Variants in PRKCB observed in about 807,000 individuals in gnomAD.
PRKCB encodes protein kinase C beta type.
In PRKCB, 13 loss-of-function variants were observed where a neutral mutation model predicts 81.5. The ratio of observed to expected loss-of-function variants is 0.16; its 90% CI spans 0.10 to 0.25. The LOEUF is 0.25. Among genes scored for constraint, PRKCB ranks in the 10% least tolerant of loss-of-function variants. The pLI, the probability that PRKCB is intolerant of heterozygous loss-of-function variation, is 1.00. For synonymous variants in PRKCB, 335 were observed against 321.4 expected (o/e 1.04, Z -0.45); for missense variants, 509 against 875.7 (o/e 0.58, Z 5.29).
chr16:24,185,125 G>A lies in PRKCB; in HGVS notation c.1548G>A (p.Gln516=), dbSNP rs376039132. Residue 516 remains glutamine (Q), a synonymous_variant, in exon 14 of 17, where the codon CAG becomes CAA. Transcript: ENST00000643927. ...DYIAPEIIAY[Q]PYGKSVDWWA... is the part of the protein sequence containing the mutation. ...CTCTTTTCTAGATAATTGCTTATCA[G>A]CCCTATGGGAAGTCCGTGGATTGGT... 58 of 1,613,974 alleles carry A rather than the reference G, an allele frequency of 3.6e-5. No homozygotes were observed. Among genetic ancestry groups the A allele is most frequent in the Middle Eastern group, 1.6e-4 (1 of 6,084 alleles).
rs905127777 is a variant in PRKCB, at chr16:24,218,142, C to T, written c.*3326C>T. 18 of 985,106 alleles carry T rather than the reference C, an allele frequency of 1.8e-5. No individual in the cohort carries two copies. Among genetic ancestry groups the T allele is most frequent in the African/African-American group, 3.5e-5 (2 of 57,162 alleles). The allele number at this position is 985,106 out of a possible 1,614,324, so 61.0% of individuals were successfully genotyped here. A position where few individuals can be genotyped will look rare whatever the true frequency, so the allele number is the denominator to read the frequency against. ...GTTTATTGTTTCTCTCCAAGAAATT[C>T]TCCAAGAATATTGTTTCTTGGAGAG... On this transcript the variant is annotated 3_prime_UTR_variant, in exon 17 of 17. Coordinates refer to ENST00000643927, the MANE Select transcript of PRKCB (RefSeq NM_002738.7).
intron 9 of PRKCB, among the ~76,000 whole-genome samples, chr16:24,150,998 G>A (rs960811993): frequency 1.3e-5 from 2 of 152,210 alleles, no homozygotes; most frequent in African/African-American, 4.8e-5. Context: ...AAATGCAATA[G>A]TATCTCCTAC....
chr16:24,133,956 C>G (rs112798943), intron 9 of PRKCB, among the ~76,000 whole-genome samples: 1 of 150,044 alleles, frequency 6.7e-6, no homozygotes, highest in Admixed American at 6.7e-5. Flanking sequence ...AGTGCAGTGA[C>G]GTGACCATGG....
At chr16:24,119,114 G>A (rs947805596) in intron 8 of PRKCB, among the ~76,000 whole-genome samples, 3 of 130,434 alleles carry the variant, frequency 2.3e-5, no homozygotes, top group Admixed American at 7.5e-5. Flanking sequence ...CAGACCAACA[G>A]GGTTATCAGA....
chr16:24,174,155 A>G (rs759432269), intron 11 of PRKCB: 1 of 181,484 alleles, frequency 5.5e-6, no homozygotes, highest in Non-Finnish European at 1.2e-5. Flanking sequence ...GATCACAGGC[A>G]TGTGCCACCA....
chr16:23,871,970 T>C (rs1322512409), intron 2 of PRKCB, among the ~76,000 whole-genome samples: 1 of 152,102 alleles, frequency 6.6e-6, no homozygotes, highest in Non-Finnish European at 1.5e-5. Context: ...GGTCCTTGCC[T>C]GTCTTGTTCT....
chr16:24,000,169 A>G (rs1423173584), intron 3 of PRKCB, among the ~76,000 whole-genome samples: 1 of 152,244 alleles, frequency 6.6e-6, no homozygotes, highest in Non-Finnish European at 1.5e-5. Context: ...GGAAGTATCT[A>G]TGGTTAATCT....
At chr16:23,878,847 C>T (rs1040391566) in intron 2 of PRKCB, among the ~76,000 whole-genome samples, 2 of 152,054 alleles carry the variant, frequency 1.3e-5, no homozygotes, top group Non-Finnish European at 2.9e-5. Context: ...GAGGCTTTGT[C>T]ATTCTGGGTG....
intron 5 of PRKCB, among the ~76,000 whole-genome samples, chr16:24,088,919 G>T (rs1194703530): frequency 6.6e-6 from 1 of 152,124 alleles, no homozygotes; most frequent in Non-Finnish European, 1.5e-5. Flanking sequence ...GGCCTTGCCA[G>T]GGAGAAGAAA....
At chr16:23,936,653 G>A (rs971068329) in intron 2 of PRKCB, among the ~76,000 whole-genome samples, 3 of 140,920 alleles carry the variant, frequency 2.1e-5, no homozygotes, top group South Asian at 2.2e-4. Flanking sequence ...GGCTGGTCTC[G>A]AACTCAAGCG....
In PRKCB at chr16:23,977,702, G is replaced by A. The variant is rs140336367; in HGVS notation, c.206-10806G>A. Among the ~76,000 whole-genome samples, 551 of 152,254 alleles carry A rather than the reference G, an allele frequency of 3.6e-3. 4 individuals are homozygous for A. Among genetic ancestry groups the A allele is most frequent in the African/African-American group, 0.013 (523 of 41,522 alleles). On this transcript the variant is annotated intron_variant, in intron 2 of 16. Transcript: ENST00000643927. ...AGTGGTGATTCTCAACTGTATACTCGTTTGTAATGTTGGAATTTTGAAGCC... is the reference window on the plus strand; with the variant it reads ...AGTGGTGATTCTCAACTGTATACTCATTTGTAATGTTGGAATTTTGAAGCC...
chr16:24,032,976 A>G (rs771873734), intron 4 of PRKCB, among the ~76,000 whole-genome samples: 5 of 152,200 alleles, frequency 3.3e-5, no homozygotes, highest in African/African-American at 1.2e-4. Context: ...CAGCACCCAC[A>G]GGTTTGTGCT....
intron 3 of PRKCB, among the ~76,000 whole-genome samples, chr16:24,004,535 G>A (rs1356076968): frequency 6.6e-6 from 1 of 150,718 alleles, no homozygotes; most frequent in African/African-American, 2.4e-5. Flanking sequence ...TGCACCTGTA[G>A]TCCCAGCTAC....
At chr16:23,857,720 G>A (rs1962594478) in intron 2 of PRKCB, among the ~76,000 whole-genome samples, 1 of 151,406 alleles carries the variant, frequency 6.6e-6, no homozygotes, top group Non-Finnish European at 1.5e-5. Flanking sequence ...GAGAGAGAGT[G>A]TGTGTGTGTG....
At position 24,042,798 on chromosome 16, in the gene PRKCB, C is replaced by T. The variant is rs144171400; in HGVS notation, c.529+7251C>T. Among the ~76,000 whole-genome samples the T allele has an allele frequency of 2.1e-3, 308 of 145,712 alleles. 3 individuals carry two copies. The highest frequency in any genetic ancestry group is 7.2e-3 in the African/African-American group (283 of 39,044). On this transcript the variant is annotated intron_variant, in intron 5 of 16. Coordinates refer to ENST00000643927, the MANE Select transcript of PRKCB (RefSeq NM_002738.7). ...TGTCACCCAAGCTGGAGTGTAGTGG[C>T]GTAATCACGGCTTACTGCAGCCTCG...
intron 9 of PRKCB, among the ~76,000 whole-genome samples, chr16:24,129,519 G>A (rs1206858383): frequency 7.8e-6 from 1 of 128,818 alleles, no homozygotes; most frequent in Non-Finnish European, 1.6e-5. Flanking sequence ...TCATGCACGT[G>A]CATCTATCTA....
intron 7 of PRKCB, among the ~76,000 whole-genome samples, chr16:24,097,032 C>CTT (rs35055699): frequency 1.1e-3 from 89 of 82,684 alleles, no homozygotes; most frequent in East Asian, 1.4e-3. Context: ...CATCTTAGGC[C>CTT]TTTTTTTTTT....
At chr16:23,896,868 T>TCATCCATCCATCCAACCATC in intron 2 of PRKCB, among the ~76,000 whole-genome samples, 1 of 149,256 alleles carries the variant, frequency 6.7e-6, no homozygotes, top group African/African-American at 2.5e-5. Context: ...GGAAGGCTCT[T>TCATCCATCCATCCAACCATC]CATCCATCCA....
At chr16:23,940,868 A>G (rs910939232) in intron 2 of PRKCB, among the ~76,000 whole-genome samples, 1 of 152,248 alleles carries the variant, frequency 6.6e-6, no homozygotes, top group South Asian at 2.1e-4. Context: ...CTCAGTCTCA[A>G]TCTCCTCCAC....
Sources: allele counts gnomAD v4.1 joint callset (sites outside exome capture counted in the v4.1 genomes callset), GRCh38; gene constraint gnomAD v4.1.1; transcripts MANE v1.5; gene names NCBI Gene and HGNC (gene_info 2026-07-23, HGNC 2026-07-21).